MFN1: variants seen among roughly 807,000 people sequenced by gnomAD.
MFN1 encodes mitofusin-1.
Under a neutral mutation model 92.4 loss-of-function variants are expected in MFN1, and 65 were observed. The ratio of observed to expected loss-of-function variants is 0.70; its 90% CI spans 0.58 to 0.86. The LOEUF (loss-of-function observed/expected upper bound fraction) is 0.86, where lower values mean the gene tolerates loss of function less well. Among genes scored for constraint, MFN1 ranks in the 40% least tolerant of loss-of-function variants. The pLI is 0.00. For synonymous variants in MFN1, 297 were observed against 300.9 expected, an observed-to-expected ratio of 0.99 and a Z score of 0.13; for missense variants, 781 against 868.0, an observed-to-expected ratio of 0.90 and a Z score of 1.26.
intron 14 of MFN1, among the ~76,000 whole-genome samples, chr3:179,384,475 T>C (rs186039428): frequency 1.3e-5 from 2 of 152,138 alleles, no homozygotes; most frequent in Admixed American, 1.3e-4. Context: ...ATTCAAAGCT[T>C]TTACCTATTT....
chr3:179,362,882 A>G (rs1712639282), intron 5 of MFN1, among the ~76,000 whole-genome samples: 1 of 152,172 alleles, frequency 6.6e-6, no homozygotes, highest in African/African-American at 2.4e-5. Context: ...TTTAAATGGA[A>G]ATGAGTGTTT....
intron 4 of MFN1, 58 bp downstream of exon 4, chr3:179,359,060 C>T (rs374786896): frequency 3.5e-6 from 5 of 1,445,418 alleles, no homozygotes; most frequent in African/African-American, 1.4e-5. Flanking sequence ...TGAACTTATT[C>T]TTTAATAACA....
chr3:179,369,237 G>A (rs1712925892), intron 9 of MFN1, among the ~76,000 whole-genome samples: 1 of 152,040 alleles, frequency 6.6e-6, no homozygotes, highest in South Asian at 2.1e-4. Context: ...AAAGAAATGG[G>A]ATCTCCCTCT....
chr3:179,370,584 G>A (rs1712985608), intron 9 of MFN1, among the ~76,000 whole-genome samples: 1 of 151,682 alleles, frequency 6.6e-6, no homozygotes, highest in African/African-American at 2.4e-5. Context: ...GCTAATTTTT[G>A]TATTTTTAGT....
Position 179,365,235 on chromosome 3 carries a change from TA to T in MFN1, c.753+11del, listed in dbSNP as rs775983052. The T allele has an allele frequency of 4.7e-6, 7 of 1,481,564 alleles. No individual in the cohort carries two copies. Among genetic ancestry groups the T allele is most frequent in the Admixed American group, 5.2e-5 (2 of 38,566 alleles). The allele number at this position is 1,481,564 out of a possible 1,614,324, so 91.8% of individuals were successfully genotyped here. ...AGAATATATGGAAGACGTAAGTTGT[TA>T]TTTTTTTTTTTGTAGGTTTTGAAAT... On this transcript the variant is annotated intron_variant, in intron 7 of 17. Coordinates refer to ENST00000471841, the MANE Select transcript of MFN1 (RefSeq NM_033540.3).
In MFN1 at chr3:179,385,691, T is replaced by C; in HGVS notation, c.1785T>C (p.Thr595=). The C allele has an allele frequency of 3.1e-6, 5 of 1,613,314 alleles. No homozygotes were observed. Among genetic ancestry groups the C allele is most frequent in the Non-Finnish European group, 4.2e-6 (5 of 1,179,816 alleles). The change falls in exon 15 of 18, where the codon ACT becomes ACC. Residue 595 remains threonine (T), a synonymous_variant. Transcript: ENST00000471841. ...GATTGGCGTCCGTTACATCTAGAACTTCTATGGGCATCATTATTGTTGGAG... is the reference window on the plus strand; with the variant it reads ...GATTGGCGTCCGTTACATCTAGAACCTCTATGGGCATCATTATTGTTGGAG... The part of the protein sequence containing the change: ...VTGLASVTSR[T]SMGIIIVGGV...
rs111978193 is a variant in MFN1 at position 179,385,193 on chromosome 3, G to A, written c.1663-376G>A. Among the ~76,000 whole-genome samples, 86 of 150,242 alleles carry A rather than the reference G, an allele frequency of 5.7e-4. 2 individuals are homozygous for A. The highest frequency in any genetic ancestry group is 1.8e-3 in the African/African-American group (72 of 40,878). On this transcript the variant is annotated intron_variant, in intron 14 of 17. Coordinates refer to ENST00000471841, the MANE Select transcript of MFN1 (RefSeq NM_033540.3). ...CTCCCAAAGTGCTGGGATTACAGGCGTGAGCCACCGCGCCCGGCCGAAGTC... is the reference window on the plus strand; with the variant it reads ...CTCCCAAAGTGCTGGGATTACAGGCATGAGCCACCGCGCCCGGCCGAAGTC...
At chr3:179,351,183 A>G (rs574057856) in intron 2 of MFN1, among the ~76,000 whole-genome samples, 34 of 152,226 alleles carry the variant, frequency 2.2e-4, no homozygotes, top group Non-Finnish European at 4.3e-4. Flanking sequence ...GAGTTATAAA[A>G]AAAACTGAAA....
At chr3:179,379,485 C>A (rs1261688035) in intron 14 of MFN1, among the ~76,000 whole-genome samples, 1 of 152,138 alleles carries the variant, frequency 6.6e-6, no homozygotes, top group African/African-American at 2.4e-5. Context: ...TCCTGAGCAG[C>A]TGGGATTATA....
chr3:179,354,994 A>C (rs1712292207), intron 3 of MFN1, among the ~76,000 whole-genome samples: 1 of 151,994 alleles, frequency 6.6e-6, no homozygotes. Context: ...ATGGGATTTC[A>C]CCATGTTGGC....
chr3:179,377,007 A>G, intron 10 of MFN1, 35 bp from the exon 11 acceptor site: 2 of 1,609,340 alleles, frequency 1.2e-6, no homozygotes, highest in Non-Finnish European at 1.7e-6. Context: ...ACTTCAGACT[A>G]CCCTGAACGT....
intron 16 of MFN1, among the ~76,000 whole-genome samples, chr3:179,388,366 A>G (rs1320862305): frequency 1.3e-5 from 2 of 152,232 alleles, no homozygotes; most frequent in African/African-American, 4.8e-5. Context: ...GTATACGTTA[A>G]ATGCTATTTT....
rs1713845553 is a variant in MFN1 at position 179,390,102 on chromosome 3, A to T, written c.2111A>T (p.Gln704Leu). 1 of 1,602,306 alleles carries T rather than the reference A, an allele frequency of 6.2e-7. No individual in the cohort carries two copies. Among genetic ancestry groups the T allele is most frequent in the African/African-American group, 1.3e-5 (1 of 74,516 alleles). ...EIARLPKEID[Q>L]LEKIQNNSKL... ...GCTAGATTACCCAAAGAAATAGATCAGTTGGAGAAAATACAAAACAATTCA... is the reference window on the plus strand; with the variant it reads ...GCTAGATTACCCAAAGAAATAGATCTGTTGGAGAAAATACAAAACAATTCA... The change falls in exon 17 of 18, where the codon CAG (glutamine) becomes CTG (leucine). Residue 704 changes from glutamine (Q) to leucine (L), a missense_variant. By Grantham distance (113) the Gln-to-Leu change is moderately radical. Coordinates refer to ENST00000471841, the MANE Select transcript of MFN1 (RefSeq NM_033540.3).
Position 179,371,950 on chromosome 3 carries a change from AATAC to A in MFN1, c.976-3266_976-3263del, listed in dbSNP as rs563445144. Among the ~76,000 whole-genome samples, 5 of 151,278 alleles carry A rather than the reference AATAC, an allele frequency of 3.3e-5. No homozygotes were observed. In the South Asian group the frequency reaches 6.3e-4, roughly 19 times the overall value. On this transcript the variant is annotated intron_variant, in intron 9 of 17. Coordinates refer to ENST00000471841, the MANE Select transcript of MFN1 (RefSeq NM_033540.3). ...TGTCAAAATGTTCAGGAAGGAAAAT[AATAC>A]ATAAGTATATATAAAAATATATGCC... is the stretch of plus-strand genomic sequence containing the variant.
At chr3:179,367,710 G>C in intron 8 of MFN1, 118 bp downstream of exon 8, 1 of 867,946 alleles carries the variant, frequency 1.2e-6, no homozygotes, top group Non-Finnish European at 1.6e-6. Flanking sequence ...GGATCATGAG[G>C]TCAGGAGTTT....
At chr3:179,361,727 G>A (rs1405669491) in intron 4 of MFN1, among the ~76,000 whole-genome samples, 1 of 152,082 alleles carries the variant, frequency 6.6e-6, no homozygotes, top group African/African-American at 2.4e-5. Flanking sequence ...TGTAGAGACA[G>A]GGTTTCATGA....
chr3:179,372,389 A>G (rs1008209525), intron 9 of MFN1, among the ~76,000 whole-genome samples: 18 of 151,978 alleles, frequency 1.2e-4, no homozygotes, highest in African/African-American at 4.3e-4. Context: ...ATGTATGATT[A>G]GAGTTCCTGA....
intron 7 of MFN1, among the ~76,000 whole-genome samples, chr3:179,366,436 G>A (rs765533449): frequency 2.7e-5 from 4 of 150,826 alleles, no homozygotes; most frequent in Middle Eastern, 3.4e-3. Flanking sequence ...AACTTAAAAA[G>A]AAGTATCTGG....
chr3:179,375,352 A>G lies in MFN1; in HGVS notation c.1097+11A>G, dbSNP rs1046225510. 5 of 1,608,986 alleles carry G rather than the reference A, an allele frequency of 3.1e-6. No homozygotes were observed. The highest frequency in any genetic ancestry group is 3.4e-5 in the Admixed American group (2 of 58,216). ...AGCTGAAGATAAAAGGTATGAGTTC[A>G]TTTTGTTGCAACATAAAAATGTTAG... On this transcript the variant is annotated intron_variant, in intron 10 of 17. Transcript: ENST00000471841.
Sources: allele counts gnomAD v4.1 joint callset (sites outside exome capture counted in the v4.1 genomes callset), GRCh38; gene constraint gnomAD v4.1.1; transcripts MANE v1.5; gene names NCBI Gene and HGNC (gene_info 2026-07-23, HGNC 2026-07-21).